APBB2: variants seen among roughly 807,000 people sequenced by gnomAD.
The protein encoded by APBB2 is amyloid beta precursor protein binding family B member 2, also known as Fe65-like 1.
A neutral mutation model predicts 82.5 loss-of-function variants in APBB2; 38 were observed. That is an observed-to-expected ratio of 0.46 (90% CI 0.36 to 0.60). The LOEUF (loss-of-function observed/expected upper bound fraction) is 0.60. APBB2 is among the 20% of genes least tolerant of loss of function. The probability of loss-of-function intolerance (pLI) is 0.00; values close to 1 mark genes in which losing one functional copy is unlikely to be tolerated. For synonymous variants in APBB2, 341 were observed against 368.2 expected (o/e 0.93, Z 0.85); for missense variants, 772 against 972.3 (o/e 0.79, Z 2.74).
rs117334028 is a variant in APBB2, at chr4:40,952,420, C to G, written c.836-7347G>C. 6.4e-3 allele frequency among the ~76,000 whole-genome samples: 973 copies of G among 152,206 alleles called. 13 individuals carry two copies. The highest frequency in any genetic ancestry group is 0.034 in the East Asian group (178 of 5,180). ...ACATCTTCTCTTTCTCCAAATATCT[C>G]TCTTCTCTCTCAATTAATGAGGAAG... On this transcript the variant is annotated intron_variant, in intron 6 of 17. Transcript: ENST00000508593.
intron 6 of APBB2, among the ~76,000 whole-genome samples, chr4:40,945,954 C>T (rs79600512): frequency 0.015 from 2,273 of 152,224 alleles, 57 homozygotes; most frequent in African/African-American, 0.039. Context: ...CAAGGAAGGC[C>T]GGGCGTGGTG....
intron 1 of APBB2, among the ~76,000 whole-genome samples, chr4:41,159,916 G>GAGA (rs1386683209): frequency 0.062 from 1,280 of 20,792 alleles, 204 homozygotes; most frequent in Non-Finnish European, 0.091. Flanking sequence ...GAAGGAGGAG[G>GAGA]AGGAGGAGGA....
chr4:41,047,885 C>G (rs945926566), intron 4 of APBB2, among the ~76,000 whole-genome samples: 3 of 152,206 alleles, frequency 2.0e-5, no homozygotes, highest in Non-Finnish European at 4.4e-5. Context: ...ATCTCAGCAG[C>G]AACACAGAGC....
intron 4 of APBB2, among the ~76,000 whole-genome samples, chr4:41,046,822 T>A (rs530236470): frequency 6.6e-6 from 1 of 152,242 alleles, no homozygotes; most frequent in Non-Finnish European, 1.5e-5. Flanking sequence ...CAGGCTCTAT[T>A]CACAGGGGTG....
At chr4:40,912,230 C>A (rs537417107) in intron 10 of APBB2, among the ~76,000 whole-genome samples, 1 of 152,336 alleles carries the variant, frequency 6.6e-6, no homozygotes, top group East Asian at 1.9e-4. Flanking sequence ...TAGCCACACT[C>A]CCAATCACAA....
intron 3 of APBB2, among the ~76,000 whole-genome samples, chr4:41,096,741 G>A (rs960960430): frequency 3.3e-5 from 5 of 152,114 alleles, no homozygotes; most frequent in African/African-American, 1.2e-4. Flanking sequence ...AAAGGTATAG[G>A]TCAATAAATA....
intron 12 of APBB2, among the ~76,000 whole-genome samples, chr4:40,852,332 CAG>C (rs1577968666): frequency 9.1e-6 from 1 of 109,668 alleles, no homozygotes; most frequent in Non-Finnish European, 1.8e-5. Flanking sequence ...GCCTGGGTGA[CAG>C]AGCAAAACTC....
At chr4:40,882,706 C>A (rs1405120752) in intron 12 of APBB2, among the ~76,000 whole-genome samples, 3 of 152,154 alleles carry the variant, frequency 2.0e-5, no homozygotes, top group African/African-American at 7.2e-5. Flanking sequence ...CCAGCCCCAG[C>A]ATCACAAAGC....
intron 6 of APBB2, among the ~76,000 whole-genome samples, chr4:41,011,149 T>G (rs71608057): frequency 7.7e-6 from 1 of 130,164 alleles, no homozygotes; most frequent in Non-Finnish European, 1.6e-5. Context: ...ATTATTATTG[T>G]TTTTTTTTTT....
At chr4:41,032,299 G>T (rs1265238972) in intron 5 of APBB2, among the ~76,000 whole-genome samples, 1 of 152,060 alleles carries the variant, frequency 6.6e-6, no homozygotes, top group Non-Finnish European at 1.5e-5. Context: ...AGTCCTATAT[G>T]ATGTTTAATA....
chr4:40,827,391 C>T (rs894153281), intron 13 of APBB2, among the ~76,000 whole-genome samples, 172 bp from the exon 14 acceptor site: 1 of 152,126 alleles, frequency 6.6e-6, no homozygotes, highest in African/African-American at 2.4e-5. Flanking sequence ...TTGAGGAATT[C>T]CACTCATTTT....
chr4:40,969,818 T>C (rs1276978935), intron 6 of APBB2, among the ~76,000 whole-genome samples: 3 of 152,226 alleles, frequency 2.0e-5, no homozygotes, highest in Admixed American at 6.5e-5. Context: ...AGGGAACATG[T>C]TTCAACCCAA....
At chr4:41,150,043 G>C (rs1250483983) in intron 1 of APBB2, among the ~76,000 whole-genome samples, 3 of 152,078 alleles carry the variant, frequency 2.0e-5, no homozygotes, top group Non-Finnish European at 4.4e-5. Context: ...TAATACACTG[G>C]GGTTCTTACA....
rs148033213 is a variant in APBB2, at chr4:40,992,805, C to T, written c.835+20778G>A. Among the ~76,000 whole-genome samples, 199 of 152,252 alleles carry T rather than the reference C, an allele frequency of 1.3e-3. 1 individual carries two copies. Among genetic ancestry groups the T allele is most frequent in the African/African-American group, 4.5e-3 (187 of 41,554 alleles). On this transcript the variant is annotated intron_variant, in intron 6 of 17. Transcript: ENST00000508593. ...CTCACCCCTTCAAGTAAGACCGAGG[C>T]TCATGGGCAATGACGAACAAGCCAA...
rs565882783 is a variant in APBB2 at position 41,209,783 on chromosome 4, AT to A, written c.-417+4621del. On this transcript the variant is annotated intron_variant, in intron 1 of 17. Transcript: ENST00000508593. The stretch of plus-strand genomic sequence containing the variant: ...CCATAAAGTTAATTTTATGACAACC[AT>A]TTTATAACAAATGAAAACTATAAGG... 3.9e-3 allele frequency among the ~76,000 whole-genome samples: 593 copies of A among 152,370 alleles called. 4 individuals carry two copies. The highest frequency in any genetic ancestry group is 0.013 in the African/African-American group (547 of 41,580).
At chr4:40,914,712 G>A (rs969473304) in intron 10 of APBB2, among the ~76,000 whole-genome samples, 1 of 152,230 alleles carries the variant, frequency 6.6e-6, no homozygotes, top group African/African-American at 2.4e-5. Flanking sequence ...CAATGCTTCA[G>A]TATTCACTAA....
rs1560700519 is a variant in APBB2 at position 40,851,740 on chromosome 4, T to TATA, written c.1530-21164_1530-21163insTAT. ...TGCATATATATATATATATATATAT[T>TATA]TTTTTTTTTTTTTTTTTTCAAAACC... On this transcript the variant is annotated intron_variant, in intron 12 of 17. Coordinates refer to ENST00000508593, the MANE Select transcript of APBB2 (RefSeq NM_004307.2). 3.0e-3 allele frequency among the ~76,000 whole-genome samples: 121 copies of TATA among 39,880 alleles called. 1 individual carries two copies. Among genetic ancestry groups the TATA allele is most frequent in the South Asian group, 0.017 (22 of 1,258 alleles). The allele number at this position is 39,880 out of a possible 152,430, so 26.2% of individuals were successfully genotyped here.
intron 12 of APBB2, among the ~76,000 whole-genome samples, chr4:40,857,557 G>C (rs1055198404): frequency 6.6e-6 from 1 of 152,008 alleles, no homozygotes; most frequent in African/African-American, 2.4e-5. Flanking sequence ...TGCAACCTCC[G>C]CTTCCCAGGT....
At chr4:41,033,626 C>A in intron 4 of APBB2, among the ~76,000 whole-genome samples, 1 of 92,610 alleles carries the variant, frequency 1.1e-5, no homozygotes, top group African/African-American at 3.8e-5. Flanking sequence ...ACACACAATT[C>A]AGCACCACTA....
Sources: gnomAD v4.1 joint callset for allele counts (sites outside exome capture counted in the v4.1 genomes callset) on GRCh38, gnomAD v4.1.1 for gene constraint, MANE v1.5 for transcripts, NCBI Gene and HGNC (gene_info 2026-07-23, HGNC 2026-07-21) for gene names.